The following REPS1 variants were observed in gnomAD, a reference collection of about 807,000 sequenced individuals.
The protein encoded by REPS1 is ralBP1-associated Eps domain-containing protein 1.
REPS1 carries 39 observed loss-of-function variants against 100.9 expected under a neutral mutation model. The ratio of observed to expected loss-of-function variants is 0.39; its 90% confidence interval spans 0.30 to 0.50. The LOEUF is 0.50. Ranked by LOEUF, REPS1 falls within the 20% of genes least tolerant of loss-of-function variation. The pLI, the probability that REPS1 is intolerant of heterozygous loss-of-function variation, is 0.86. For synonymous variants in REPS1, 324 were observed against 340.3 expected, an observed-to-expected ratio of 0.95 and a Z score of 0.53; for missense variants, 821 against 968.5, an observed-to-expected ratio of 0.85 and a Z score of 2.02.
intron 1 of REPS1, among the ~76,000 whole-genome samples, chr6:138,975,095 C>A (rs1418527517): frequency 6.6e-6 from 1 of 152,112 alleles, no homozygotes; most frequent in Non-Finnish European, 1.5e-5. Flanking sequence ...CACCTAGCTA[C>A]TACTCTCAAG....
At chr6:138,914,854 G>A in intron 14 of REPS1, 93 bp from the exon 15 acceptor site, 5 of 1,075,594 alleles carry the variant, frequency 4.6e-6, no homozygotes, top group Non-Finnish European at 6.9e-6. Context: ...ACATGATAAA[G>A]ATTTCTAAGA....
In REPS1 at chr6:138,903,780, T is replaced by G. The variant is rs1779488510; in HGVS notation, c.*1284A>C. 6.6e-6 allele frequency: 1 copy of G among 152,210 alleles called. No individual in the cohort carries two copies. The highest frequency in any genetic ancestry group is 1.5e-5 in the Non-Finnish European group (1 of 68,038). 9.4% of individuals were successfully genotyped at this position (152,210 alleles called of 1,614,324 possible). On this transcript the variant is annotated 3_prime_UTR_variant, in exon 20 of 20. Transcript: ENST00000450536. Reference sequence around the variant, plus strand: ...GCCATACTGAAAGCCACTTGGAAACTTCAGCTGATGTATATTTTTACCTAG... The same window carrying G: ...GCCATACTGAAAGCCACTTGGAAACGTCAGCTGATGTATATTTTTACCTAG...
At position 138,904,814 on chromosome 6, in the gene REPS1, T is replaced by TA; in HGVS notation, c.*249_*250insT. The TA allele has an allele frequency of 2.8e-6, 1 of 360,686 alleles. No homozygotes were observed. Among genetic ancestry groups the TA allele is most frequent in the East Asian group, 4.8e-5 (1 of 21,010 alleles). 22.3% of individuals were successfully genotyped at this position (360,686 alleles called of 1,614,324 possible). A position where few individuals can be genotyped will look rare whatever the true frequency, so the allele number is the denominator to read the frequency against. ...CCATAGAAGCATTGCATATCCCAGA[T>TA]GCTAGGGAACAGAAAAGGTGGGTGT... On this transcript the variant is annotated 3_prime_UTR_variant, in exon 20 of 20. Transcript: ENST00000450536.
chr6:138,944,068 G>C, intron 5 of REPS1, 53 bp from the exon 6 acceptor site: 1 of 1,500,510 alleles, frequency 6.7e-7, no homozygotes, highest in Non-Finnish European at 9.2e-7. Context: ...TGATTATATG[G>C]ACCAAGATTG....
intron 9 of REPS1, 147 bp downstream of exon 9, chr6:138,929,830 T>A (rs753000871): frequency 3.1e-5 from 23 of 742,996 alleles, no homozygotes; most frequent in Non-Finnish European, 4.6e-5. Context: ...AAAAGTCACA[T>A]AATTACAAAC....
At chr6:138,974,097 T>G (rs1784474567) in intron 1 of REPS1, among the ~76,000 whole-genome samples, 1 of 152,084 alleles carries the variant, frequency 6.6e-6, no homozygotes, top group African/African-American at 2.4e-5. Flanking sequence ...AGCTGTTGAA[T>G]GGTGTTTGCT....
chr6:138,980,080 GCAAC>G (rs2128511211), intron 1 of REPS1, among the ~76,000 whole-genome samples: 1 of 152,174 alleles, frequency 6.6e-6, no homozygotes, highest in East Asian at 1.9e-4. Context: ...TCCAATAGTG[GCAAC>G]TTCCAGCAAC....
chr6:138,976,424 T>A (rs1345815290), intron 1 of REPS1, among the ~76,000 whole-genome samples: 3 of 152,076 alleles, frequency 2.0e-5, no homozygotes, highest in African/African-American at 2.4e-5. Flanking sequence ...ACCAAATCAG[T>A]CCCTTTAAGT....
At chr6:138,952,354 G>A (rs1783090653) in intron 1 of REPS1, among the ~76,000 whole-genome samples, 1 of 151,530 alleles carries the variant, frequency 6.6e-6, no homozygotes, top group East Asian at 1.9e-4. Flanking sequence ...CAGTAAAGCT[G>A]CAAAATAACA....
At chr6:138,933,340 CAGTCCTAG>C (rs1479931963) in intron 8 of REPS1, among the ~76,000 whole-genome samples, 1 of 152,214 alleles carries the variant, frequency 6.6e-6, no homozygotes, top group Non-Finnish European at 1.5e-5. Context: ...GGTGCAAAGG[CAGTCCTAG>C]ACAATTCATA....
At chr6:138,914,983 A>T in intron 14 of REPS1, 1 of 517,350 alleles carries the variant, frequency 1.9e-6, no homozygotes, top group Non-Finnish European at 3.4e-6. Flanking sequence ...CTATTACATG[A>T]AGCCCTCCTG....
intron 12 of REPS1, 46 bp downstream of exon 12, chr6:138,920,169 T>G: frequency 3.0e-6 from 3 of 1,008,410 alleles, no homozygotes; most frequent in Non-Finnish European, 4.8e-6. Context: ...AGACTCTAAA[T>G]CCAGACTTAG....
intron 1 of REPS1, among the ~76,000 whole-genome samples, chr6:138,955,984 T>A (rs1582820673): frequency 2.0e-5 from 3 of 152,304 alleles, no homozygotes; most frequent in South Asian, 4.1e-4. Context: ...GGACTTTATA[T>A]AGTTAGAGAC....
At chr6:138,985,052 T>C (rs1201258141) in intron 1 of REPS1, among the ~76,000 whole-genome samples, 1 of 152,242 alleles carries the variant, frequency 6.6e-6, no homozygotes, top group Non-Finnish European at 1.5e-5. Flanking sequence ...CTCCATTGCT[T>C]GCTGAAATAT....
chr6:138,958,158 G>A (rs956077536), intron 1 of REPS1, among the ~76,000 whole-genome samples: 1 of 152,174 alleles, frequency 6.6e-6, no homozygotes, highest in African/African-American at 2.4e-5. Context: ...TCTATATTTG[G>A]ATAATGTCTA....
chr6:138,933,340 C>G (rs1196975663), intron 8 of REPS1, among the ~76,000 whole-genome samples: 1 of 152,214 alleles, frequency 6.6e-6, no homozygotes, highest in Non-Finnish European at 1.5e-5. Flanking sequence ...GGTGCAAAGG[C>G]AGTCCTAGAC....
chr6:138,947,530 AT>A (rs1255784457), intron 2 of REPS1, among the ~76,000 whole-genome samples: 1 of 152,252 alleles, frequency 6.6e-6, no homozygotes, highest in Non-Finnish European at 1.5e-5. Flanking sequence ...TGGTAAATTA[AT>A]TCTTAAAAAA....
intron 1 of REPS1, among the ~76,000 whole-genome samples, chr6:138,974,727 A>G (rs1190138159): frequency 6.6e-6 from 1 of 152,214 alleles, no homozygotes; most frequent in Non-Finnish European, 1.5e-5. Flanking sequence ...ATCAGAGTTA[A>G]TTAACTCTGA....
chr6:138,936,199 T>A (rs1341863975), intron 8 of REPS1, among the ~76,000 whole-genome samples: 2 of 152,106 alleles, frequency 1.3e-5, no homozygotes, highest in African/African-American at 4.8e-5. Context: ...GAAATCATAA[T>A]CTTTTTTTTT....
Sources: allele counts gnomAD v4.1 joint callset (sites outside exome capture counted in the v4.1 genomes callset), GRCh38; gene constraint gnomAD v4.1.1; transcripts MANE v1.5; gene names NCBI Gene and HGNC (gene_info 2026-07-23, HGNC 2026-07-21).